The following PANK1 variants were observed in gnomAD, a reference collection of about 807,000 sequenced individuals.
PANK1 encodes pantothenic acid kinase 1.
In PANK1, 18 loss-of-function variants were observed where a neutral mutation model predicts 40.1. The ratio of observed to expected loss-of-function variants is 0.45; its 90% confidence interval spans 0.31 to 0.67. PANK1 has a LOEUF of 0.67. Ranked by LOEUF, PANK1 falls within the 30% of genes least tolerant of loss-of-function variation. PANK1 has a pLI of 0.06. For missense variants in PANK1, 457 were observed against 599.6 expected (o/e 0.76, Z 2.48); for synonymous variants, 242 against 237.7 (o/e 1.02, Z -0.17).
chr10:89,644,661 G>A lies in PANK1; in HGVS notation c.231C>T (p.Asp77=), dbSNP rs1483078824. ...LQPQPLLPQH[D]SPAKKCRLRR... ...GCAGCCGGCATTTCTTGGCCGGGGAGTCATGCTGAGGGAGCAGTGGCTGCG... is the reference window on the plus strand; with the variant it reads ...GCAGCCGGCATTTCTTGGCCGGGGAATCATGCTGAGGGAGCAGTGGCTGCG... The change falls in exon 1 of 7, where the codon GAC becomes GAT. Residue 77 remains aspartate (D), a synonymous_variant. Coordinates refer to ENST00000307534, the MANE Select transcript of PANK1 (RefSeq NM_148977.3). The A allele has an allele frequency of 6.3e-7, 1 of 1,575,188 alleles. No homozygotes were observed. Among genetic ancestry groups the A allele is most frequent in the Admixed American group, 1.7e-5 (1 of 58,228 alleles).
At chr10:89,585,055 A>G (rs765403084) in intron 6 of PANK1, among the ~76,000 whole-genome samples, 10 of 152,224 alleles carry the variant, frequency 6.6e-5, no homozygotes, top group Non-Finnish European at 1.2e-4. Context: ...TATATAACAA[A>G]GTACCCTAGA....
At chr10:89,609,231 AT>A (rs1845078277) in intron 2 of PANK1, among the ~76,000 whole-genome samples, 1 of 151,890 alleles carries the variant, frequency 6.6e-6, no homozygotes, top group African/African-American at 2.4e-5. Flanking sequence ...CACCTGGCTT[AT>A]TTTTGTATTT....
chr10:89,609,923 C>T (rs1845100721), intron 2 of PANK1, among the ~76,000 whole-genome samples: 1 of 152,214 alleles, frequency 6.6e-6, no homozygotes, highest in Non-Finnish European at 1.5e-5. Context: ...GAGGTTGCAT[C>T]AATCCTCTGG....
chr10:89,643,761 C>T (rs771976361), intron 1 of PANK1: 1 of 1,612,514 alleles, frequency 6.2e-7, no homozygotes, highest in Non-Finnish European at 8.5e-7. Flanking sequence ...GTTGAATGAG[C>T]TTCAGTCAAG....
intron 1 of PANK1, among the ~76,000 whole-genome samples, chr10:89,642,722 A>G (rs1842002165): frequency 6.6e-6 from 1 of 152,234 alleles, no homozygotes; most frequent in Admixed American, 6.5e-5. Context: ...ATTTTTAACT[A>G]AGAAATTTTG....
At chr10:89,620,468 T>G (rs1486439611) in intron 1 of PANK1, among the ~76,000 whole-genome samples, 1 of 152,244 alleles carries the variant, frequency 6.6e-6, no homozygotes, top group Non-Finnish European at 1.5e-5. Flanking sequence ...CGTGGTCTCC[T>G]GCAGCGCCCT....
intron 1 of PANK1, among the ~76,000 whole-genome samples, chr10:89,631,558 G>A (rs988550544): frequency 7.2e-5 from 11 of 152,214 alleles, no homozygotes; most frequent in African/African-American, 2.7e-4. Context: ...GACTTCAGAG[G>A]AAAGGAGAGG....
At chr10:89,595,806 G>T (rs1844550145) in intron 3 of PANK1, among the ~76,000 whole-genome samples, 1 of 97,308 alleles carries the variant, frequency 1.0e-5, no homozygotes, top group Admixed American at 1.5e-4. Flanking sequence ...GACAGAGCCG[G>T]ACTCCATCTT....
chr10:89,605,737 G>A (rs951905625), intron 2 of PANK1, among the ~76,000 whole-genome samples: 3 of 152,034 alleles, frequency 2.0e-5, no homozygotes, highest in Admixed American at 6.5e-5. Context: ...TGTTCTTAAT[G>A]GCATCTAGAA....
chr10:89,613,338 A>C lies in PANK1; in HGVS notation c.293-1290T>G, dbSNP rs1288577722. Among the ~76,000 whole-genome samples the C allele has an allele frequency of 5.9e-5, 9 of 152,214 alleles. No homozygotes were observed. In the East Asian group the frequency reaches 1.5e-3, roughly 26 times the overall value. On this transcript the variant is annotated intron_variant, in intron 1 of 6. Coordinates refer to ENST00000307534, the MANE Select transcript of PANK1 (RefSeq NM_148977.3). ...TTTTATTTCAGCCCTAGAGAACATC[A>C]ATATGAACCCTTGTCAAATTGTCCA...
intron 1 of PANK1, among the ~76,000 whole-genome samples, chr10:89,631,110 C>G (rs563570325): frequency 6.6e-6 from 1 of 152,188 alleles, no homozygotes; most frequent in Non-Finnish European, 1.5e-5. Context: ...TCCTGTATTA[C>G]AACCCAGTAT....
chr10:89,634,893 C>T (rs1268723582), intron 1 of PANK1, among the ~76,000 whole-genome samples: 2 of 152,108 alleles, frequency 1.3e-5, no homozygotes, highest in South Asian at 2.1e-4. Context: ...AGACTTATGA[C>T]ACAAGCCATG....
intron 3 of PANK1, 57 bp downstream of exon 3, chr10:89,599,195 A>G: frequency 1.3e-6 from 2 of 1,514,678 alleles, no homozygotes; most frequent in South Asian, 2.5e-5. Flanking sequence ...ACCTTTTACT[A>G]TAAACTGGTC....
intron 1 of PANK1, among the ~76,000 whole-genome samples, chr10:89,623,173 G>GT (rs893186328): frequency 4.6e-5 from 7 of 152,048 alleles, no homozygotes; most frequent in African/African-American, 1.7e-4. Context: ...TTGGGGTGAT[G>GT]TTTTTTTCTT....
At chr10:89,608,030 C>CTTTTTT (rs33976210) in intron 2 of PANK1, among the ~76,000 whole-genome samples, 1 of 110,988 alleles carries the variant, frequency 9.0e-6, no homozygotes, top group Non-Finnish European at 2.1e-5. Flanking sequence ...TGATCCTAAA[C>CTTTTTT]TTTTTTTTTT....
chr10:89,604,728 A>T (rs1056612949), intron 2 of PANK1, among the ~76,000 whole-genome samples: 1 of 150,392 alleles, frequency 6.6e-6, no homozygotes, highest in Non-Finnish European at 1.5e-5. Flanking sequence ...TTTACACTAT[A>T]CTGTAGTCTA....
chr10:89,609,465 C>T (rs1158253151), intron 2 of PANK1, among the ~76,000 whole-genome samples: 4 of 152,230 alleles, frequency 2.6e-5, no homozygotes, highest in Non-Finnish European at 5.9e-5. Flanking sequence ...GTACTTGGTG[C>T]ACTGAAAGTG....
intron 1 of PANK1, 30 bp downstream of exon 1, chr10:89,644,570 C>A (rs1246261317): frequency 3.6e-5 from 57 of 1,565,130 alleles, no homozygotes; most frequent in Non-Finnish European, 4.8e-5. Flanking sequence ...GTCTGCCTTG[C>A]GCCCGCGCTC....
In PANK1 at chr10:89,644,691, C is replaced by A; in HGVS notation, c.201G>T (p.Leu67=). The part of the protein sequence containing the change: ...APQRLPLLPE[L]QPQPLLPQHD... The stretch of plus-strand genomic sequence containing the variant: ...GCTGAGGGAGCAGTGGCTGCGGCTG[C>A]AGCTCCGGCAGGAGCGGGAGGCGCT... Residue 67 remains leucine (L), a synonymous_variant, in exon 1 of 7, where the codon CTG becomes CTT. Coordinates refer to ENST00000307534, the MANE Select transcript of PANK1 (RefSeq NM_148977.3). The A allele has an allele frequency of 6.5e-7, 1 of 1,548,202 alleles. No homozygotes were observed. Among genetic ancestry groups the A allele is most frequent in the Non-Finnish European group, 8.7e-7 (1 of 1,154,176 alleles).
Sources: allele counts gnomAD v4.1 joint callset (sites outside exome capture counted in the v4.1 genomes callset), GRCh38; gene constraint gnomAD v4.1.1; transcripts MANE v1.5; gene names NCBI Gene and HGNC (gene_info 2026-07-23, HGNC 2026-07-21).